IMPG1: variants seen among roughly 807,000 people sequenced by gnomAD.
IMPG1 encodes interphotoreceptor matrix proteoglycan 1.
Under a neutral mutation model 92.0 loss-of-function variants are expected in IMPG1, and 85 were observed. The observed-to-expected ratio is 0.92, with a 90% CI of 0.78 to 1.11. The LOEUF (loss-of-function observed/expected upper bound fraction) is 1.11, where lower values mean the gene tolerates loss of function less well. Among genes scored for constraint, IMPG1 ranks in the 50% least tolerant of loss-of-function variants. IMPG1 has a pLI of 0.00. For synonymous variants in IMPG1, 367 were observed against 334.1 expected, an observed-to-expected ratio of 1.10 and a Z score of -1.08; for missense variants, 1,022 against 956.0, an observed-to-expected ratio of 1.07 and a Z score of -0.91.
chr6:76,017,705 A>G (rs1462970982), intron 7 of IMPG1, among the ~76,000 whole-genome samples: 1 of 152,158 alleles, frequency 6.6e-6, no homozygotes, highest in Non-Finnish European at 1.5e-5. Flanking sequence ...CTTTCAGTTC[A>G]ATGAGATTTT....
In IMPG1 at chr6:76,034,624, C is replaced by T; in HGVS notation, c.465G>A (p.Gln155=). ...SNSQEHLDLL[Q]QRIKQRSFPD... ...ACCATGTGGTGTTTAGGCTCACCTG[C>T]TGGAGAAGATCCAGGTGCTCCTGGG... Residue 155 remains glutamine (Q), a synonymous_variant, in exon 3 of 17, where the codon CAG becomes CAA. Coordinates refer to ENST00000369950, the MANE Select transcript of IMPG1 (RefSeq NM_001563.4). 1.2e-6 allele frequency: 2 copies of T among 1,614,054 alleles called. No individual in the cohort carries two copies. Among genetic ancestry groups the T allele is most frequent in the South Asian group, 1.1e-5 (1 of 91,072 alleles).
At chr6:75,968,465 A>AAGTAGAAATTC (rs60394457) in intron 12 of IMPG1, among the ~76,000 whole-genome samples, 1,860 of 152,140 alleles carry the variant, frequency 0.012, 32 homozygotes, top group African/African-American at 0.043. Context: ...TTTTGTGAAG[A>AAGTAGAAATTC]TACTTCTATC....
At chr6:76,027,134 T>A (rs1240980522) in intron 4 of IMPG1, among the ~76,000 whole-genome samples, 1 of 152,162 alleles carries the variant, frequency 6.6e-6, no homozygotes, top group African/African-American at 2.4e-5. Context: ...ACTTTACTCT[T>A]TAAGAAATAA....
chr6:76,058,207 A>G (rs1278291129), intron 1 of IMPG1, among the ~76,000 whole-genome samples: 3 of 152,170 alleles, frequency 2.0e-5, no homozygotes, highest in Non-Finnish European at 4.4e-5. Context: ...TCATAGGTAG[A>G]TAGAAATAAC....
chr6:76,036,986 T>C (rs1783751817), intron 2 of IMPG1, among the ~76,000 whole-genome samples: 1 of 152,158 alleles, frequency 6.6e-6, no homozygotes, highest in Non-Finnish European at 1.5e-5. Context: ...GAGCAAAAAA[T>C]GTTGGAAGCC....
chr6:76,064,366 T>C (rs1213609039), intron 1 of IMPG1, among the ~76,000 whole-genome samples: 3 of 69,418 alleles, frequency 4.3e-5, no homozygotes, highest in African/African-American at 8.9e-5. Flanking sequence ...AACCATTTTT[T>C]TTTCTTTTTT....
intron 1 of IMPG1, among the ~76,000 whole-genome samples, chr6:76,060,386 C>T (rs148739701): frequency 3.4e-4 from 52 of 152,250 alleles, no homozygotes; most frequent in East Asian, 1.9e-3. Flanking sequence ...ATAATTACAG[C>T]GGCACATTCT....
chr6:76,064,140 A>AAGGACAGCCATTCTAGGGGTAGAATGG (rs1335373140), intron 1 of IMPG1, among the ~76,000 whole-genome samples: 2,235 of 152,018 alleles, frequency 0.015, 31 homozygotes, highest in Non-Finnish European at 0.021. Flanking sequence ...TGCTAGAATA[A>AAGGACAGCCATTCTAGGGGTAGAATGG]AGGACAGCCA....
chr6:75,988,241 G>A (rs974687331), intron 12 of IMPG1, among the ~76,000 whole-genome samples: 37 of 152,332 alleles, frequency 2.4e-4, no homozygotes, highest in African/African-American at 8.7e-4. Flanking sequence ...CCCACCAACA[G>A]TGTAAAAGCA....
intron 7 of IMPG1, among the ~76,000 whole-genome samples, chr6:76,014,127 CA>C (rs1783241378): frequency 6.6e-6 from 1 of 152,072 alleles, no homozygotes; most frequent in Admixed American, 6.6e-5. Context: ...TCTCCTTACC[CA>C]AAAAGGAATA....
At chr6:76,052,319 AGAG>A (rs1784056818) in intron 1 of IMPG1, among the ~76,000 whole-genome samples, 1 of 152,226 alleles carries the variant, frequency 6.6e-6, no homozygotes, top group African/African-American at 2.4e-5. Flanking sequence ...CATATTGAGA[AGAG>A]GAGGAGTGTT....
chr6:75,957,951 ATGT>A (rs1355067446), intron 12 of IMPG1, among the ~76,000 whole-genome samples: 1 of 152,118 alleles, frequency 6.6e-6, no homozygotes, highest in African/African-American at 2.4e-5. Flanking sequence ...TGTCATTATG[ATGT>A]TAGCTGGTTA....
intron 14 of IMPG1, among the ~76,000 whole-genome samples, chr6:75,941,509 A>T (rs1313184343): frequency 6.6e-6 from 1 of 152,248 alleles, no homozygotes; most frequent in African/African-American, 2.4e-5. Flanking sequence ...TTAATTAGTT[A>T]TGTAAGTACC....
chr6:75,950,163 C>T (rs949062435), intron 13 of IMPG1, among the ~76,000 whole-genome samples: 2 of 152,166 alleles, frequency 1.3e-5, no homozygotes, highest in Non-Finnish European at 2.9e-5. Flanking sequence ...CTCTCAGCCT[C>T]ATCTGTGCTG....
At chr6:76,046,336 T>C (rs1473676365) in intron 1 of IMPG1, among the ~76,000 whole-genome samples, 3 of 152,274 alleles carry the variant, frequency 2.0e-5, no homozygotes, top group South Asian at 2.1e-4. Flanking sequence ...TTTTAAATTA[T>C]AGATTAAACA....
chr6:76,038,227 A>C (rs947340), intron 2 of IMPG1, among the ~76,000 whole-genome samples: 103,482 of 152,034 alleles, frequency 0.68, 35,434 homozygotes, highest in South Asian at 0.71. Flanking sequence ...CCTTTCCCTG[A>C]TGTTCTTTCT....
At chr6:76,000,627 G>A (rs9352255) in intron 12 of IMPG1, among the ~76,000 whole-genome samples, 1 of 152,220 alleles carries the variant, frequency 6.6e-6, no homozygotes, top group Admixed American at 6.5e-5. Flanking sequence ...TGGAAGCCCA[G>A]ATGTAGGAGT....
intron 1 of IMPG1, 50 bp from the exon 2 acceptor site, chr6:76,042,176 T>C (rs1783856393): frequency 1.1e-6 from 1 of 930,522 alleles, no homozygotes. Context: ...TTATGTGTTA[T>C]ATGTGACATA....
At chr6:75,955,590 T>C (rs939500399) in intron 12 of IMPG1, among the ~76,000 whole-genome samples, 3 of 152,186 alleles carry the variant, frequency 2.0e-5, no homozygotes, top group African/African-American at 7.2e-5. Context: ...ATACCCTTTA[T>C]TTTTTTCTCT....
Sources: allele counts gnomAD v4.1 joint callset (sites outside exome capture counted in the v4.1 genomes callset), GRCh38; gene constraint gnomAD v4.1.1; transcripts MANE v1.5; gene names NCBI Gene and HGNC (gene_info 2026-07-23, HGNC 2026-07-21).